The following TMEM14A variants were observed in gnomAD, a reference collection of about 807,000 sequenced individuals.
The protein encoded by TMEM14A is transmembrane protein 14A.
In TMEM14A, 8 loss-of-function variants were observed where a neutral mutation model predicts 11.6. The ratio of observed to expected loss-of-function variants is 0.69; its 90% CI spans 0.40 to 1.24. The LOEUF (loss-of-function observed/expected upper bound fraction) is 1.24, where lower values mean the gene tolerates loss of function less well. TMEM14A is among the 50% of genes most tolerant of loss of function. The pLI is 0.01. For synonymous variants in TMEM14A, 34 were observed against 45.5 expected, an observed-to-expected ratio of 0.75 and a Z score of 1.02; for missense variants, 108 against 121.9, an observed-to-expected ratio of 0.89 and a Z score of 0.54.
rs1023425642 is a variant in TMEM14A at position 52,681,797 on chromosome 6, T to A, written c.71-16T>A. ...TGGGATTCTCTTTGTGATCTCATAT[T>A]TTTTTCCCCTTCCAGGTGGTGTTCC... On this transcript the variant is annotated splice_polypyrimidine_tract_variant and intron_variant, in intron 2 of 4. Transcript: ENST00000211314. 3 of 1,610,200 alleles carry A rather than the reference T, an allele frequency of 1.9e-6. No individual in the cohort carries two copies. Among genetic ancestry groups the A allele is most frequent in the Non-Finnish European group, 2.5e-6 (3 of 1,176,734 alleles).
intron 3 of TMEM14A, among the ~76,000 whole-genome samples, chr6:52,683,480 C>CA (rs1434598439): frequency 6.7e-4 from 68 of 101,336 alleles, no homozygotes; most frequent in South Asian, 5.0e-3. Flanking sequence ...ACAACAACAA[C>CA]AACAAAAAAA....
At chr6:52,685,478 G>A (rs1398773868) in intron 4 of TMEM14A, among the ~76,000 whole-genome samples, 1 of 152,104 alleles carries the variant, frequency 6.6e-6, no homozygotes, top group Non-Finnish European at 1.5e-5. Context: ...CCAGCTACTT[G>A]GGAGGCTGAG....
intron 2 of TMEM14A, 84 bp from the exon 3 acceptor site, chr6:52,681,729 G>T (rs1047654279): frequency 1.7e-6 from 2 of 1,160,670 alleles, no homozygotes; most frequent in African/African-American, 1.5e-5. Flanking sequence ...ATTTGAAGGT[G>T]CCTGTATCAT....
chr6:52,677,365 TG>T, intron 2 of TMEM14A, among the ~76,000 whole-genome samples, 193 bp downstream of exon 2: 1 of 152,268 alleles, frequency 6.6e-6, no homozygotes, highest in East Asian at 1.9e-4. Flanking sequence ...TGTTCCAACC[TG>T]GGGGTTCTGG....
At chr6:52,674,883 C>T (rs899695672) in intron 1 of TMEM14A, among the ~76,000 whole-genome samples, 31 of 65,220 alleles carry the variant, frequency 4.8e-4, no homozygotes, top group Admixed American at 3.4e-3. Flanking sequence ...GCTCAAAATT[C>T]TTCTTCTTTT....
rs199933340 is a variant in TMEM14A, at chr6:52,684,114, G to A, written c.209G>A (p.Arg70Lys). The change falls in exon 4 of 5, where the codon AGA (arginine) becomes AAA (lysine). Residue 70 changes from arginine to lysine, a missense_variant. Transcript: ENST00000211314. ...AFFLATIMGV[R>K]FKRSKKIMPA... ...TTCCTGGCTACCATAATGGGTGTGAGATTTAAGAGGTCCAAGAAAATAATG... is the reference window on the plus strand; with the variant it reads ...TTCCTGGCTACCATAATGGGTGTGAAATTTAAGAGGTCCAAGAAAATAATG... 1.7e-5 allele frequency: 27 copies of A among 1,613,808 alleles called. No homozygotes were observed. The East Asian group carries it at 5.6e-4, about 33-fold the overall frequency.
intron 2 of TMEM14A, among the ~76,000 whole-genome samples, chr6:52,680,593 T>TTTATA (rs1769349157): frequency 3.1e-5 from 3 of 96,516 alleles, no homozygotes; most frequent in Non-Finnish European, 4.1e-5. Flanking sequence ...ATTTATATAT[T>TTTATA]TATATATATA....
At chr6:52,683,252 G>C (rs1053268474) in intron 3 of TMEM14A, among the ~76,000 whole-genome samples, 1 of 152,090 alleles carries the variant, frequency 6.6e-6, no homozygotes, top group Non-Finnish European at 1.5e-5. Context: ...TTGAGGCCAG[G>C]AGTTCAAGAC....
chr6:52,684,178 A>G lies in TMEM14A; in HGVS notation c.260+13A>G. The G allele has an allele frequency of 1.9e-6, 3 of 1,609,118 alleles. No homozygotes were observed. The highest frequency in any genetic ancestry group is 1.1e-5 in the South Asian group (1 of 90,128). On this transcript the variant is annotated intron_variant, in intron 4 of 4. Coordinates refer to ENST00000211314, the MANE Select transcript of TMEM14A (RefSeq NM_014051.4). ...TTGCAGGTTTAAGGTAAGTAAAACT[A>G]TTTTGATCAATACTTTCCTCTGCTG...
At chr6:52,677,214 G>A (rs756707684) in intron 2 of TMEM14A, 42 bp downstream of exon 2, 2 of 1,601,194 alleles carry the variant, frequency 1.2e-6, no homozygotes, top group Non-Finnish European at 1.7e-6. Context: ...ATTAGTGGGG[G>A]TTTGGAGGTT....
At chr6:52,673,196 T>C (rs527625730) in intron 1 of TMEM14A, among the ~76,000 whole-genome samples, 17 of 152,302 alleles carry the variant, frequency 1.1e-4, no homozygotes, top group Admixed American at 5.9e-4. Flanking sequence ...AGAATGACCC[T>C]GTGTGGCAGA....
At chr6:52,673,513 C>T (rs923132618) in intron 1 of TMEM14A, among the ~76,000 whole-genome samples, 1 of 152,162 alleles carries the variant, frequency 6.6e-6, no homozygotes, top group African/African-American at 2.4e-5. Flanking sequence ...CTTTTGGCCT[C>T]TTGAACCTGT....
intron 3 of TMEM14A, among the ~76,000 whole-genome samples, chr6:52,682,912 T>C (rs1282624671): frequency 2.6e-5 from 4 of 152,146 alleles, no homozygotes; most frequent in Non-Finnish European, 5.9e-5. Context: ...TTATTTAGTC[T>C]CCAGGCATCA....
At chr6:52,676,699 G>A (rs1168221679) in intron 1 of TMEM14A, among the ~76,000 whole-genome samples, 3 of 152,098 alleles carry the variant, frequency 2.0e-5, no homozygotes, top group African/African-American at 4.8e-5. Context: ...CTCAACTTCC[G>A]CAGGCTGTAC....
intron 2 of TMEM14A, among the ~76,000 whole-genome samples, chr6:52,680,585 T>TTTTATATATATATATATATATA (rs1387950814): frequency 3.0e-5 from 1 of 33,264 alleles, no homozygotes; most frequent in Non-Finnish European, 8.1e-5. Context: ...CACTATATAT[T>TTTTATATATATATATATATATA]TATATATTTA....
At chr6:52,679,544 A>G (rs1343648615) in intron 2 of TMEM14A, among the ~76,000 whole-genome samples, 1 of 151,416 alleles carries the variant, frequency 6.6e-6, no homozygotes, top group East Asian at 1.9e-4. Flanking sequence ...TCTTTTTAAA[A>G]CTCCTCTTCC....
At chr6:52,683,575 C>T (rs35466689) in intron 3 of TMEM14A, among the ~76,000 whole-genome samples, 98,624 of 151,860 alleles carry the variant, frequency 0.65, 32,494 homozygotes, top group East Asian at 0.78. Context: ...GAAACCTTTT[C>T]GGCGAGGTAG....
intron 1 of TMEM14A, among the ~76,000 whole-genome samples, chr6:52,676,010 C>A (rs537891321): frequency 6.6e-6 from 1 of 152,006 alleles, no homozygotes; most frequent in South Asian, 2.1e-4. Flanking sequence ...TGGAGGTGGA[C>A]AGGGAGGGAG....
intron 3 of TMEM14A, among the ~76,000 whole-genome samples, chr6:52,683,705 C>T (rs1014526159): frequency 6.0e-5 from 9 of 150,296 alleles, no homozygotes; most frequent in South Asian, 4.2e-4. Context: ...TCTGCCTCCC[C>T]GGTTCAAGCA....
Sources: allele counts gnomAD v4.1 joint callset (sites outside exome capture counted in the v4.1 genomes callset), GRCh38; gene constraint gnomAD v4.1.1; transcripts MANE v1.5; gene names NCBI Gene and HGNC (gene_info 2026-07-23, HGNC 2026-07-21).